RTN4RL1: variants seen among roughly 807,000 people sequenced by gnomAD.
RTN4RL1 encodes reticulon-4 receptor-like 1.
In RTN4RL1, 7 loss-of-function variants were observed where a neutral mutation model predicts 25.6. The ratio of observed to expected loss-of-function variants is 0.27; its 90% confidence interval spans 0.16 to 0.51. The LOEUF is 0.51. Ranked by LOEUF, RTN4RL1 falls within the 20% of genes least tolerant of loss-of-function variation. The pLI, the probability that RTN4RL1 is intolerant of heterozygous loss-of-function variation, is 0.97. For synonymous variants in RTN4RL1, 297 were observed against 288.2 expected, an observed-to-expected ratio of 1.03 and a Z score of -0.31; for missense variants, 500 against 615.6, an observed-to-expected ratio of 0.81 and a Z score of 1.99.
At chr17:2,018,941 G>A (rs7217144) in intron 1 of RTN4RL1, 7,423 of 152,326 alleles carry the variant, frequency 0.049, 367 homozygotes, top group East Asian at 0.25. Context: ...TAGCATCCAT[G>A]TCTCCTCCCA....
In RTN4RL1 at chr17:1,937,241, C is replaced by T. The variant is rs888531814; in HGVS notation, c.581G>A (p.Arg194Gln). The T allele has an allele frequency of 9.3e-6, 15 of 1,611,940 alleles. No individual in the cohort carries two copies. Among genetic ancestry groups the T allele is most frequent in the Admixed American group, 8.3e-5 (5 of 59,990 alleles). Residue 194 changes from arginine to glutamine, a missense_variant, in exon 2 of 2, where the codon CGG becomes CAG. Coordinates refer to ENST00000331238, the MANE Select transcript of RTN4RL1 (RefSeq NM_178568.4). ...AAGACGGTCCAGGTTCACCAGGCCC[C>T]GGAAGGTGCCCGGGCCCAGACTCCA... ...KLWSLGPGTF[R>Q]GLVNLDRLLL...
At chr17:1,977,812 C>T (rs1488656545) in intron 1 of RTN4RL1, among the ~76,000 whole-genome samples, 1 of 152,084 alleles carries the variant, frequency 6.6e-6, no homozygotes, top group African/African-American at 2.4e-5. Context: ...ATAGGGCGAG[C>T]GGCGCTCCCG....
intron 1 of RTN4RL1, among the ~76,000 whole-genome samples, chr17:1,974,040 G>GGA (rs1156802242): frequency 2.1e-5 from 2 of 97,048 alleles, no homozygotes; most frequent in African/African-American, 4.0e-5. Flanking sequence ...CTCCGTCTCA[G>GGA]AAAAAAAAAA....
intron 1 of RTN4RL1, among the ~76,000 whole-genome samples, chr17:1,942,843 A>G (rs117400916): frequency 6.6e-6 from 1 of 152,088 alleles, no homozygotes; most frequent in Non-Finnish European, 1.5e-5. Context: ...GGGAAAGGCA[A>G]TGGCCACAGC....
rs759558242 is a variant in RTN4RL1, at chr17:1,937,807, C to A, written c.15G>T (p.Gly5=). ...ACAGCAGCAGCAACTCCACACAGCA[C>A]CCTGGCAGGGAGAGAGAGCACAGCC... MLRK[G]CCVELLLLLV... The change falls in exon 2 of 2, where the codon GGG becomes GGT. Residue 5 remains glycine (G), a splice_region_variant and synonymous_variant. Coordinates refer to ENST00000331238, the MANE Select transcript of RTN4RL1 (RefSeq NM_178568.4). 1 of 1,580,958 alleles carries A rather than the reference C, an allele frequency of 6.3e-7. No individual in the cohort carries two copies. The highest frequency in any genetic ancestry group is 8.6e-7 in the Non-Finnish European group (1 of 1,166,498).
intron 1 of RTN4RL1, among the ~76,000 whole-genome samples, chr17:1,990,233 C>A (rs536154544): frequency 6.6e-6 from 1 of 151,682 alleles, no homozygotes; most frequent in East Asian, 1.9e-4. Context: ...GTGGTGGGCA[C>A]CTGTAATCCC....
At chr17:1,938,671 A>G (rs374242127) in intron 1 of RTN4RL1, among the ~76,000 whole-genome samples, 11 of 152,090 alleles carry the variant, frequency 7.2e-5, no homozygotes, top group African/African-American at 2.7e-4. Flanking sequence ...CACCTCAAAT[A>G]ATGTCTCCTT....
At position 1,937,378 on chromosome 17, in the gene RTN4RL1, C is replaced by T. The variant is rs201742641; in HGVS notation, c.444G>A (p.Leu148=). ...GCAGGTAGAGGTACTGCAGGCTGTG[C>T]AGGCCGCCAAAGACGCCGGCCGGCA... The part of the protein sequence containing the change: ...SALPAGVFGG[L]HSLQYLYLQD... The change falls in exon 2 of 2, where the codon CTG becomes CTA. Residue 148 remains leucine, a synonymous_variant. Transcript: ENST00000331238. 1.4e-4 allele frequency: 231 copies of T among 1,613,648 alleles called. 1 individual carries two copies. The highest frequency in any genetic ancestry group is 7.0e-4 in the Admixed American group (42 of 60,022).
At chr17:1,939,175 A>G (rs1472364694) in intron 1 of RTN4RL1, among the ~76,000 whole-genome samples, 2 of 151,582 alleles carry the variant, frequency 1.3e-5, no homozygotes, top group African/African-American at 2.4e-5. Context: ...ACACGGCGAA[A>G]CCCCGTCTCT....
At chr17:1,963,402 G>C (rs1241331879) in intron 1 of RTN4RL1, among the ~76,000 whole-genome samples, 1 of 152,230 alleles carries the variant, frequency 6.6e-6, no homozygotes, top group African/African-American at 2.4e-5. Context: ...TCAATTGTGG[G>C]CGAGGTAGGA....
chr17:2,018,563 A>G (rs2067157405), intron 1 of RTN4RL1, among the ~76,000 whole-genome samples: 1 of 152,148 alleles, frequency 6.6e-6, no homozygotes, highest in South Asian at 2.1e-4. Flanking sequence ...GCGCCCCACA[A>G]AACAAATGTC....
At chr17:2,002,486 G>A (rs567448000) in intron 1 of RTN4RL1, among the ~76,000 whole-genome samples, 1 of 150,624 alleles carries the variant, frequency 6.6e-6, no homozygotes, top group Admixed American at 6.6e-5. Flanking sequence ...TACAGATGGG[G>A]TTTCACCGTG....
intron 1 of RTN4RL1, among the ~76,000 whole-genome samples, chr17:1,967,453 A>G (rs2066796942): frequency 6.6e-6 from 1 of 151,682 alleles, no homozygotes; most frequent in African/African-American, 2.4e-5. Flanking sequence ...TTGAACCACA[A>G]AACCCGCCCA....
At chr17:1,977,208 G>C (rs1250978670) in intron 1 of RTN4RL1, among the ~76,000 whole-genome samples, 1 of 152,240 alleles carries the variant, frequency 6.6e-6, no homozygotes, top group Non-Finnish European at 1.5e-5. Flanking sequence ...AATAGTGCAG[G>C]TGTGCACAGA....
chr17:1,964,788 CTTTTT>C (rs34138766), intron 1 of RTN4RL1, among the ~76,000 whole-genome samples: 1 of 124,712 alleles, frequency 8.0e-6, no homozygotes, highest in Non-Finnish European at 1.6e-5. Context: ...CTTTTCTTTT[CTTTTT>C]TTTTTTTTTT....
chr17:1,962,722 G>A (rs1033400032), intron 1 of RTN4RL1, among the ~76,000 whole-genome samples: 2 of 151,630 alleles, frequency 1.3e-5, no homozygotes, highest in African/African-American at 2.4e-5. Context: ...AAAACTAGCC[G>A]GGCAGGATGG....
At chr17:1,977,762 C>T (rs1208836923) in intron 1 of RTN4RL1, among the ~76,000 whole-genome samples, 9 of 152,146 alleles carry the variant, frequency 5.9e-5, no homozygotes, top group Non-Finnish European at 8.8e-5. Context: ...CGAGGTGTTA[C>T]AACTCTGTCC....
intron 1 of RTN4RL1, 65 bp downstream of exon 1, chr17:2,024,788 G>C (rs909668790): frequency 6.6e-7 from 1 of 1,512,298 alleles, no homozygotes; most frequent in Admixed American, 2.1e-5. Context: ...GCCGGGCGGC[G>C]CCCGGGCTCG....
chr17:2,015,967 C>T (rs192115787), intron 1 of RTN4RL1, among the ~76,000 whole-genome samples: 246 of 152,274 alleles, frequency 1.6e-3, no homozygotes, highest in Middle Eastern at 3.4e-3. Context: ...GCTGGAGGGG[C>T]GGCCAGGGTG....
Sources: allele counts gnomAD v4.1 joint callset (sites outside exome capture counted in the v4.1 genomes callset), GRCh38; gene constraint gnomAD v4.1.1; transcripts MANE v1.5; gene names NCBI Gene and HGNC (gene_info 2026-07-23, HGNC 2026-07-21).